The following KCNQ1 variants were observed in gnomAD, a reference collection of about 807,000 sequenced individuals.
The protein encoded by KCNQ1 is potassium voltage-gated channel subfamily KQT member 1.
A neutral mutation model predicts 72.4 loss-of-function variants in KCNQ1; 49 were observed. The observed-to-expected ratio is 0.68, with a 90% CI of 0.54 to 0.86. The LOEUF is 0.86. Ranked by LOEUF, KCNQ1 falls within the 40% of genes least tolerant of loss-of-function variation. KCNQ1 has a pLI of 0.00. For synonymous variants in KCNQ1, 450 were observed against 412.6 expected, an observed-to-expected ratio of 1.09 and a Z score of -1.10; for missense variants, 790 against 945.1, an observed-to-expected ratio of 0.84 and a Z score of 2.15.
At chr11:2,805,961 T>C (rs1056582873) in intron 15 of KCNQ1, among the ~76,000 whole-genome samples, 1 of 152,168 alleles carries the variant, frequency 6.6e-6, no homozygotes, top group Non-Finnish European at 1.5e-5. Flanking sequence ...TAGTGAGAAA[T>C]TGGAAACAGA....
At chr11:2,527,904 G>A in intron 1 of KCNQ1, 24 bp from the exon 2 acceptor site, 1 of 1,607,368 alleles carries the variant, frequency 6.2e-7, no homozygotes, top group Non-Finnish European at 8.5e-7. Flanking sequence ...CCGTGATGCT[G>A]ACTGCCGTGT....
chr11:2,535,169 C>G (rs1253786658), intron 2 of KCNQ1, among the ~76,000 whole-genome samples: 1 of 152,244 alleles, frequency 6.6e-6, no homozygotes, highest in Non-Finnish European at 1.5e-5. Flanking sequence ...GACAGAGGCT[C>G]TCGGAGCCTG....
chr11:2,492,687 CTT>C lies in KCNQ1; in HGVS notation c.387-35235_387-35234del, dbSNP rs1169967747. Among the ~76,000 whole-genome samples, 1 of 152,154 alleles carries C rather than the reference CTT, an allele frequency of 6.6e-6. No individual in the cohort carries two copies. The highest frequency in any genetic ancestry group is 1.5e-5 in the Non-Finnish European group (1 of 68,020). On this transcript the variant is annotated intron_variant, in intron 1 of 15. Coordinates refer to ENST00000155840, the MANE Select transcript of KCNQ1 (RefSeq NM_000218.3). The surrounding 1 kb of genome is among the most constrained non-coding windows in gnomAD (Gnocchi z 4.1). Reference sequence around the variant, plus strand: ...TCCCCACAAAAGACATGAACTCATTCTTTTTTTATGGCTGCATATTATTCCAT... The same window carrying C: ...TCCCCACAAAAGACATGAACTCATTCTTTTTATGGCTGCATATTATTCCAT...
intron 10 of KCNQ1, among the ~76,000 whole-genome samples, chr11:2,589,433 C>T (rs568534599): frequency 2.6e-5 from 4 of 152,244 alleles, no homozygotes; most frequent in Non-Finnish European, 4.4e-5. Context: ...CGGGACCTGA[C>T]GATTGGATGG....
chr11:2,837,176 C>T (rs763323922), intron 15 of KCNQ1, among the ~76,000 whole-genome samples: 7 of 152,126 alleles, frequency 4.6e-5, no homozygotes, highest in Admixed American at 1.3e-4. Flanking sequence ...GAGAGGACAC[C>T]GTCTTGAGCC....
intron 11 of KCNQ1, among the ~76,000 whole-genome samples, chr11:2,718,984 G>A (rs945226148): frequency 6.6e-6 from 1 of 152,238 alleles, no homozygotes; most frequent in Non-Finnish European, 1.5e-5. Context: ...TGGGGTGAAG[G>A]CTTGGCGTCT....
chr11:2,846,942 G>T (rs1329269010), intron 15 of KCNQ1, among the ~76,000 whole-genome samples: 1 of 152,256 alleles, frequency 6.6e-6, no homozygotes, highest in East Asian at 1.9e-4. Context: ...TGCAGAACCA[G>T]CCCCTGAGAA....
chr11:2,788,155 A>AC (rs1248211994), intron 15 of KCNQ1, among the ~76,000 whole-genome samples: 1 of 147,152 alleles, frequency 6.8e-6, no homozygotes, highest in African/African-American at 2.5e-5. Context: ...GCCCCTCTCC[A>AC]CCCCATGCCC....
rs1328119647 is a variant in KCNQ1 at position 2,824,896 on chromosome 11, G to A, written c.1795-22871G>A. On this transcript the variant is annotated intron_variant, in intron 15 of 15. Transcript: ENST00000155840. This position sits in a 1 kb window ranked among gnomAD's most constrained non-coding sequence, Gnocchi z 5.9. The stretch of plus-strand genomic sequence containing the variant: ...GATCAGGGACACGAGTTCCCCTGCC[G>A]GGCACAGAGCAGGTTCCCAGTGAGT... Among the ~76,000 whole-genome samples, 4 of 152,218 alleles carry A rather than the reference G, an allele frequency of 2.6e-5. No individual in the cohort carries two copies. The South Asian group carries it at 6.2e-4, about 24-fold the overall frequency.
At position 2,516,197 on chromosome 11, in the gene KCNQ1, C is replaced by G. The variant is rs2133625046; in HGVS notation, c.387-11731C>G. On this transcript the variant is annotated intron_variant, in intron 1 of 15. Coordinates refer to ENST00000155840, the MANE Select transcript of KCNQ1 (RefSeq NM_000218.3). The surrounding 1 kb of genome is among the most constrained non-coding windows in gnomAD (Gnocchi z 7.0). ...AGACCCGGAGTCCAGTTCTCGCCAACCGCTCGATGCTGTGTGACTTGAGGC... is the reference window on the plus strand; with the variant it reads ...AGACCCGGAGTCCAGTTCTCGCCAAGCGCTCGATGCTGTGTGACTTGAGGC... 6.6e-6 allele frequency among the ~76,000 whole-genome samples: 1 copy of G among 152,196 alleles called. No individual in the cohort carries two copies. Among genetic ancestry groups the G allele is most frequent in the African/African-American group, 2.4e-5 (1 of 41,536 alleles).
Position 2,647,238 on chromosome 11 carries a change from T to A in KCNQ1, c.1394-14723T>A, listed in dbSNP as rs1849680334. ...CTGCATCTATTGAGATGATCATGTATTTTTTTGTCCTTCCTTCTGTTAATG... is the reference window on the plus strand; with the variant it reads ...CTGCATCTATTGAGATGATCATGTAATTTTTTGTCCTTCCTTCTGTTAATG... On this transcript the variant is annotated intron_variant, in intron 10 of 15. Coordinates refer to ENST00000155840, the MANE Select transcript of KCNQ1 (RefSeq NM_000218.3). The surrounding 1 kb of genome is among the most constrained non-coding windows in gnomAD (Gnocchi z 4.0). 2.5e-6 allele frequency: 1 copy of A among 398,346 alleles called. No homozygotes were observed. Among genetic ancestry groups the A allele is most frequent in the Admixed American group, 4.4e-5 (1 of 22,704 alleles). 24.7% of individuals were successfully genotyped at this position (398,346 alleles called of 1,614,324 possible). A position where few individuals can be genotyped will look rare whatever the true frequency, so the allele number is the denominator to read the frequency against.
At position 2,699,999 on chromosome 11, in the gene KCNQ1, G is replaced by C. The variant is rs1358797113; in HGVS notation, c.1514+37918G>C. 8 of 398,180 alleles carry C rather than the reference G, an allele frequency of 2.0e-5. No individual in the cohort carries two copies. The Admixed American group carries it at 3.5e-4, about 18-fold the overall frequency. 24.7% of individuals were successfully genotyped at this position (398,180 alleles called of 1,614,324 possible). On this transcript the variant is annotated intron_variant, in intron 11 of 15. Coordinates refer to ENST00000155840, the MANE Select transcript of KCNQ1 (RefSeq NM_000218.3). Reference sequence around the variant, plus strand: ...AGGCGACGCGGCGACCGTTCTGCCTGGAGACTGCGGCAGCGCTCCGACTGC... The same window carrying C: ...AGGCGACGCGGCGACCGTTCTGCCTCGAGACTGCGGCAGCGCTCCGACTGC...
intron 10 of KCNQ1, chr11:2,616,336 A>G: frequency 2.5e-6 from 1 of 397,968 alleles, no homozygotes. Flanking sequence ...TTTCAAAAAC[A>G]AGCAACTTTT....
rs536610241 is a variant in KCNQ1 at position 2,515,510 on chromosome 11, G to A, written c.387-12418G>A. ...CCCTCTGCTCCAGGACAGCGCAGCC[G>A]CCATCAGTGGGGGTGAGGGGACAAG... On this transcript the variant is annotated intron_variant, in intron 1 of 15. Transcript: ENST00000155840. This position sits in a 1 kb window ranked among gnomAD's most constrained non-coding sequence, Gnocchi z 4.7. Among the ~76,000 whole-genome samples the A allele has an allele frequency of 1.8e-4, 27 of 147,180 alleles. No individual in the cohort carries two copies. The highest frequency in any genetic ancestry group is 5.4e-4 in the Admixed American group (8 of 14,780).
In KCNQ1 at chr11:2,462,910, C is replaced by T. The variant is rs1328052081; in HGVS notation, c.386+17426C>T. Reference sequence around the variant, plus strand: ...CGTGCCCAGCCTGGGGTTCAGGTTTCTTCCCCGTGAGCTGAGCAGACAGGG... The same window carrying T: ...CGTGCCCAGCCTGGGGTTCAGGTTTTTTCCCCGTGAGCTGAGCAGACAGGG... On this transcript the variant is annotated intron_variant, in intron 1 of 15. Coordinates refer to ENST00000155840, the MANE Select transcript of KCNQ1 (RefSeq NM_000218.3). This position sits in a 1 kb window ranked among gnomAD's most constrained non-coding sequence, Gnocchi z 8.2. Among the ~76,000 whole-genome samples, 1 of 152,166 alleles carries T rather than the reference C, an allele frequency of 6.6e-6. No individual in the cohort carries two copies. The highest frequency in any genetic ancestry group is 1.5e-5 in the Non-Finnish European group (1 of 68,030).
At position 2,658,072 on chromosome 11, in the gene KCNQ1, A is replaced by G; in HGVS notation, c.1394-3889A>G. 1.0e-5 allele frequency: 4 copies of G among 398,560 alleles called. No individual in the cohort carries two copies. The highest frequency in any genetic ancestry group is 1.8e-5 in the Non-Finnish European group (4 of 226,040). The allele number at this position is 398,560 out of a possible 1,614,324, so 24.7% of individuals were successfully genotyped here. A position where few individuals can be genotyped will look rare whatever the true frequency, so the allele number is the denominator to read the frequency against. ...AGTATAGCCCACACTCAAGGTGGGG[A>G]AGGGAGGGGTTCAACTCTACCTCCT... On this transcript the variant is annotated intron_variant, in intron 10 of 15. Transcript: ENST00000155840. The surrounding 1 kb of genome is among the most constrained non-coding windows in gnomAD (Gnocchi z 4.9).
intron 2 of KCNQ1, among the ~76,000 whole-genome samples, chr11:2,545,713 T>C (rs1395368582): frequency 3.3e-5 from 5 of 152,220 alleles, no homozygotes; most frequent in Non-Finnish European, 7.3e-5. Context: ...ATAATAGTGG[T>C]ATTCAGGTGA....
In KCNQ1 at chr11:2,826,650, C is replaced by T. The variant is rs1006852654; in HGVS notation, c.1795-21117C>T. 6.6e-6 allele frequency among the ~76,000 whole-genome samples: 1 copy of T among 152,262 alleles called. No homozygotes were observed. The highest frequency in any genetic ancestry group is 2.4e-5 in the African/African-American group (1 of 41,472). On this transcript the variant is annotated intron_variant, in intron 15 of 15. Coordinates refer to ENST00000155840, the MANE Select transcript of KCNQ1 (RefSeq NM_000218.3). This position sits in a 1 kb window ranked among gnomAD's most constrained non-coding sequence, Gnocchi z 4.2. ...CTGGCCCAGCACACCCAGCCCACCA[C>T]TGTGCTCCCAGAGGGAGAACAGAGA...
Position 2,734,748 on chromosome 11 carries a change from G to A in KCNQ1, c.1515-34096G>A, listed in dbSNP as rs1845926047. Among the ~76,000 whole-genome samples, 1 of 152,126 alleles carries A rather than the reference G, an allele frequency of 6.6e-6. No individual in the cohort carries two copies. Among genetic ancestry groups the A allele is most frequent in the East Asian group, 1.9e-4 (1 of 5,152 alleles). On this transcript the variant is annotated intron_variant, in intron 11 of 15. Transcript: ENST00000155840. This position sits in a 1 kb window ranked among gnomAD's most constrained non-coding sequence, Gnocchi z 7.0. ...TGGAAGCTGCTATGTAGACAGAAGCGAGGGCAAGACCACCGCTCCTCCGCC... is the reference window on the plus strand; with the variant it reads ...TGGAAGCTGCTATGTAGACAGAAGCAAGGGCAAGACCACCGCTCCTCCGCC...
Sources: gnomAD v4.1 joint callset for allele counts (sites outside exome capture counted in the v4.1 genomes callset) on GRCh38, gnomAD v4.1.1 for gene constraint, Gnocchi (gnomAD v3.1) non-coding constraint, MANE v1.5 for transcripts, NCBI Gene and HGNC (gene_info 2026-07-23, HGNC 2026-07-21) for gene names.